The following UNC13B variants were observed in gnomAD, a reference collection of about 807,000 sequenced individuals.
UNC13B encodes the protein protein unc-13 homolog B.
A neutral mutation model predicts 211.0 loss-of-function variants in UNC13B; 144 were observed. That is an observed-to-expected ratio of 0.68 (90% CI 0.60 to 0.78). The LOEUF (loss-of-function observed/expected upper bound fraction) is 0.78, where lower values mean the gene tolerates loss of function less well. Ranked by LOEUF, UNC13B falls within the 30% of genes least tolerant of loss-of-function variation. The probability of loss-of-function intolerance (pLI) is 0.00; values close to 1 mark genes in which losing one functional copy is unlikely to be tolerated. For synonymous variants in UNC13B, 709 were observed against 725.8 expected (o/e 0.98, Z 0.37); for missense variants, 1,777 against 2,002.0 (o/e 0.89, Z 2.14).
At chr9:35,353,565 C>T in intron 11 of UNC13B, 2 of 1,232,104 alleles carry the variant, frequency 1.6e-6, no homozygotes, top group East Asian at 3.2e-5. Flanking sequence ...TTCTCTCTTG[C>T]TTCTAATAAC....
intron 12 of UNC13B, among the ~76,000 whole-genome samples, chr9:35,369,360 T>C (rs927053409): frequency 1.3e-4 from 20 of 152,180 alleles, no homozygotes; most frequent in Non-Finnish European, 8.8e-5. Flanking sequence ...TTTTGTTGCT[T>C]ATCCATCTCA....
At chr9:35,252,050 G>A (rs946669387) in intron 6 of UNC13B, among the ~76,000 whole-genome samples, 2 of 152,112 alleles carry the variant, frequency 1.3e-5, no homozygotes, top group Non-Finnish European at 1.5e-5. Flanking sequence ...GTAGACTTCT[G>A]CACATTCTGG....
intron 26 of UNC13B, among the ~76,000 whole-genome samples, chr9:35,393,310 C>T (rs1042255521): frequency 3.9e-5 from 6 of 152,000 alleles, no homozygotes; most frequent in Non-Finnish European, 7.4e-5. Context: ...CAAGCCGAAA[C>T]CTGAAGGGTA....
intron 13 of UNC13B, among the ~76,000 whole-genome samples, chr9:35,371,498 T>A (rs1271219131): frequency 6.6e-6 from 1 of 152,102 alleles, no homozygotes; most frequent in African/African-American, 2.4e-5. Context: ...CTAATGTACC[T>A]CTTCTTCCAC....
chr9:35,399,072 C>A (rs1177329687), intron 33 of UNC13B, 38 bp downstream of exon 33: 2 of 1,613,300 alleles, frequency 1.2e-6, no homozygotes. Flanking sequence ...TGGGGATGAG[C>A]AAAGCAGATG....
chr9:35,225,984 C>T (rs1278157574), intron 1 of UNC13B, among the ~76,000 whole-genome samples: 5 of 152,074 alleles, frequency 3.3e-5, no homozygotes, highest in South Asian at 2.1e-4. Flanking sequence ...GCTTGATAAG[C>T]TAGTCCCTAG....
At chr9:35,206,018 TA>T (rs914992296) in intron 1 of UNC13B, among the ~76,000 whole-genome samples, 1 of 151,652 alleles carries the variant, frequency 6.6e-6, no homozygotes, top group East Asian at 1.9e-4. Context: ...ACCCCATCTC[TA>T]AAAAAAATGC....
intron 1 of UNC13B, among the ~76,000 whole-genome samples, chr9:35,184,230 G>T (rs1349619146): frequency 2.0e-5 from 3 of 151,804 alleles, no homozygotes; most frequent in African/African-American, 7.3e-5. Flanking sequence ...CCCAGACGGG[G>T]CGGCTGGGCA....
chr9:35,194,968 G>A (rs575654542), intron 1 of UNC13B, among the ~76,000 whole-genome samples: 2 of 152,246 alleles, frequency 1.3e-5, no homozygotes, highest in East Asian at 3.9e-4. Flanking sequence ...CGGATGTGCC[G>A]GATTTTATAG....
chr9:35,215,328 A>C (rs1824195058), intron 1 of UNC13B, among the ~76,000 whole-genome samples: 1 of 152,194 alleles, frequency 6.6e-6, no homozygotes, highest in Admixed American at 6.5e-5. Flanking sequence ...ATTTGAGCCC[A>C]GGAGGTCAAG....
intron 2 of UNC13B, among the ~76,000 whole-genome samples, chr9:35,228,437 T>TG (rs1824986074): frequency 6.6e-6 from 1 of 152,096 alleles, no homozygotes; most frequent in African/African-American, 2.4e-5. Flanking sequence ...GCTGCACCCA[T>TG]TAACTCGTCA....
rs554465857 is a variant in UNC13B, at chr9:35,306,737, G to C, written c.7333G>C (p.Glu2445Gln). 7.5e-6 allele frequency: 3 copies of C among 399,044 alleles called. No homozygotes were observed. The highest frequency in any genetic ancestry group is 1.3e-5 in the Non-Finnish European group (3 of 226,066). The allele number at this position is 399,044 out of a possible 1,614,324, so 24.7% of individuals were successfully genotyped here. A position where few individuals can be genotyped will look rare whatever the true frequency, so the allele number is the denominator to read the frequency against. ...GNLQNQDADK[E>Q]EDKFALGSSV... The stretch of plus-strand genomic sequence containing the variant: ...CCTTCAGAACCAAGATGCAGATAAA[G>C]AGGAAGACAAATTTGCATTAGGCTC... The change falls in exon 9 of 40, where the codon GAG becomes CAG. Residue 2445 changes from glutamate (E) to glutamine (Q), a missense_variant. Physicochemically the swap from Glu to Gln is conservative, Grantham distance 29 (BLOSUM62 2). Transcript: ENST00000635942.
intron 12 of UNC13B, among the ~76,000 whole-genome samples, chr9:35,369,292 C>T (rs779818840): frequency 6.6e-5 from 10 of 152,154 alleles, no homozygotes; most frequent in Non-Finnish European, 1.0e-4. Context: ...ACTTTCCCAA[C>T]GTCTTTGCTC....
chr9:35,350,467 C>T (rs1298642079), intron 11 of UNC13B, among the ~76,000 whole-genome samples: 4 of 152,188 alleles, frequency 2.6e-5, no homozygotes, highest in Non-Finnish European at 4.4e-5. Flanking sequence ...GAAAGATCCT[C>T]TGTGGGCCAG....
chr9:35,182,254 T>G (rs1400385436), intron 1 of UNC13B, among the ~76,000 whole-genome samples: 1 of 152,082 alleles, frequency 6.6e-6, no homozygotes, highest in African/African-American at 2.4e-5. Flanking sequence ...TCTAGTGCAT[T>G]TTTATACTTT....
At chr9:35,191,688 G>A (rs117068213) in intron 1 of UNC13B, among the ~76,000 whole-genome samples, 1 of 152,234 alleles carries the variant, frequency 6.6e-6, no homozygotes, top group East Asian at 1.9e-4. Context: ...GCCCTTCCCC[G>A]GGAACTAACT....
At chr9:35,388,013 G>A (rs546972408) in intron 24 of UNC13B, among the ~76,000 whole-genome samples, 1 of 152,254 alleles carries the variant, frequency 6.6e-6, no homozygotes, top group African/African-American at 2.4e-5. Flanking sequence ...TGAGGAAGGA[G>A]TAGGAATTAA....
chr9:35,275,467 A>T (rs1289965503), intron 7 of UNC13B, among the ~76,000 whole-genome samples: 2 of 152,198 alleles, frequency 1.3e-5, no homozygotes, highest in African/African-American at 2.4e-5. Context: ...TCTTCTCCCC[A>T]GAGGTAATCA....
At chr9:35,251,662 CT>C (rs201958506) in intron 6 of UNC13B, among the ~76,000 whole-genome samples, 7 of 151,800 alleles carry the variant, frequency 4.6e-5, no homozygotes, top group Admixed American at 2.0e-4. Context: ...ACAGATAATA[CT>C]TTTTTTTAAA....
Sources: allele counts gnomAD v4.1 joint callset (sites outside exome capture counted in the v4.1 genomes callset), GRCh38; gene constraint gnomAD v4.1.1; transcripts MANE v1.5; gene names NCBI Gene and HGNC (gene_info 2026-07-23, HGNC 2026-07-21).